TOPAZ1: variants seen among roughly 807,000 people sequenced by gnomAD.
TOPAZ1 encodes protein TOPAZ1.
A neutral mutation model predicts 172.2 loss-of-function variants in TOPAZ1; 66 were observed. The ratio of observed to expected loss-of-function variants is 0.38; its 90% confidence interval spans 0.31 to 0.47. The LOEUF (loss-of-function observed/expected upper bound fraction) is 0.47. Ranked by LOEUF, TOPAZ1 falls within the 20% of genes least tolerant of loss-of-function variation. TOPAZ1 has a pLI of 0.99. For missense variants in TOPAZ1, 1,822 were observed against 1,972.4 expected (o/e 0.92, Z 1.44); for synonymous variants, 681 against 683.9 (o/e 1.00, Z 0.07).
intron 2 of TOPAZ1, among the ~76,000 whole-genome samples, chr3:44,253,056 C>T (rs183481632): frequency 6.6e-6 from 1 of 152,186 alleles, no homozygotes; most frequent in Admixed American, 6.5e-5. Flanking sequence ...TGTCTCATGG[C>T]TTGGTGTTCA....
chr3:44,243,574 T>A lies in TOPAZ1; in HGVS notation c.1068T>A (p.Ser356=), dbSNP rs1339176843. 6.4e-7 allele frequency: 1 copy of A among 1,551,122 alleles called. No homozygotes were observed. Among genetic ancestry groups the A allele is most frequent in the South Asian group, 1.2e-5 (1 of 84,042 alleles). The part of the protein sequence containing the change: ...EMNFSNEYNK[S]ELMLQENQMI... ...ACTTCTCTAATGAGTATAACAAGTCTGAGTTGATGTTGCAAGAAAATCAAA... is the reference window on the plus strand; with the variant it reads ...ACTTCTCTAATGAGTATAACAAGTCAGAGTTGATGTTGCAAGAAAATCAAA... Residue 356 remains serine, a synonymous_variant, in exon 2 of 20, where the codon TCT becomes TCA. Coordinates refer to ENST00000309765, the MANE Select transcript of TOPAZ1 (RefSeq NM_001145030.2).
intron 5 of TOPAZ1, among the ~76,000 whole-genome samples, chr3:44,265,998 A>T (rs1699826109): frequency 6.6e-6 from 1 of 152,192 alleles, no homozygotes; most frequent in South Asian, 2.1e-4. Flanking sequence ...TTCATCAGTT[A>T]TCTTAGCTAG....
intron 16 of TOPAZ1, among the ~76,000 whole-genome samples, chr3:44,311,978 AT>A (rs202099603): frequency 5.3e-5 from 8 of 151,216 alleles, no homozygotes; most frequent in East Asian, 3.9e-4. Context: ...TTTAAAACAC[AT>A]TTTTTTTTCA....
chr3:44,245,083 T>G lies in TOPAZ1; in HGVS notation c.2577T>G (p.Asp859Glu). The change falls in exon 2 of 20, where the codon GAT becomes GAG. Residue 859 changes from aspartate to glutamate, a missense_variant. Physicochemically the swap from Asp to Glu is conservative, Grantham distance 45. Transcript: ENST00000309765. Reference sequence around the variant, plus strand: ...CAGATATTCTTAAAGCATATGAAGATGACGTCCTCTTAATTGATGTAATTC... The same window carrying G: ...CAGATATTCTTAAAGCATATGAAGAGGACGTCCTCTTAATTGATGTAATTC... ...GFPDILKAYE[D>E]DVLLIDVIQD... 1.9e-6 allele frequency: 3 copies of G among 1,551,796 alleles called. No individual in the cohort carries two copies. The highest frequency in any genetic ancestry group is 2.6e-6 in the Non-Finnish European group (3 of 1,146,998).
At chr3:44,327,796 G>C (rs1215800808) in intron 18 of TOPAZ1, among the ~76,000 whole-genome samples, 1 of 151,950 alleles carries the variant, frequency 6.6e-6, no homozygotes, top group African/African-American at 2.4e-5. Context: ...CTAGGCTGGA[G>C]TACAGTGGCA....
At chr3:44,242,750 A>G (rs1195611683) in intron 1 of TOPAZ1, 103 bp from the exon 2 acceptor site, 5 of 929,678 alleles carry the variant, frequency 5.4e-6, no homozygotes, top group Non-Finnish European at 7.8e-6. Context: ...ACAGCTGTTC[A>G]GGGAAATAAA....
intron 16 of TOPAZ1, among the ~76,000 whole-genome samples, chr3:44,315,333 A>G (rs1379730909): frequency 1.3e-5 from 2 of 151,912 alleles, no homozygotes; most frequent in Non-Finnish European, 2.9e-5. Flanking sequence ...TTTAAGAAAA[A>G]TCATTTCAGA....
chr3:44,297,042 A>G (rs1700206968), intron 12 of TOPAZ1, among the ~76,000 whole-genome samples: 2 of 151,632 alleles, frequency 1.3e-5, no homozygotes, highest in African/African-American at 4.8e-5. Context: ...ATGGTGGCAC[A>G]TGCCTGTAAT....
At chr3:44,294,433 A>G (rs1161930602) in intron 12 of TOPAZ1, among the ~76,000 whole-genome samples, 2 of 152,092 alleles carry the variant, frequency 1.3e-5, no homozygotes, top group Non-Finnish European at 2.9e-5. Flanking sequence ...AAAAAGTAGT[A>G]TGTTATTTTA....
At chr3:44,271,534 G>A (rs1328618262) in intron 8 of TOPAZ1, among the ~76,000 whole-genome samples, 2 of 152,046 alleles carry the variant, frequency 1.3e-5, no homozygotes, top group African/African-American at 2.4e-5. Flanking sequence ...TTGGTTGTAT[G>A]TGTGTATGTA....
intron 5 of TOPAZ1, among the ~76,000 whole-genome samples, chr3:44,266,312 G>A (rs546847467): frequency 1.4e-4 from 22 of 152,012 alleles, no homozygotes; most frequent in South Asian, 4.1e-4. Context: ...CTTTTCATTC[G>A]TATGTTCACT....
downstream of TOPAZ1, among the ~76,000 whole-genome samples, chr3:44,335,512 T>C (rs1700713731): frequency 6.6e-6 from 1 of 151,960 alleles, no homozygotes. Context: ...TAATCCCAGA[T>C]ACTTGGGAGG....
At chr3:44,255,595 T>C (rs1334344763) in intron 3 of TOPAZ1, among the ~76,000 whole-genome samples, 3 of 145,636 alleles carry the variant, frequency 2.1e-5, no homozygotes, top group Non-Finnish European at 4.5e-5. Flanking sequence ...GAGCTTGCAG[T>C]GAGCCAAGAT....
rs1241640891 is a variant in TOPAZ1, at chr3:44,296,861, A to AAG, written c.3797+5976_3797+5977insGA. ...ACAGAGAATACCAAAAAAAAAAAAA[A>AAG]AAAGAAAAAAAAAAGAAAAGCAAAT... On this transcript the variant is annotated intron_variant, in intron 12 of 19. Transcript: ENST00000309765. Among the ~76,000 whole-genome samples the AAG allele has an allele frequency of 5.3e-3, 219 of 41,426 alleles. No homozygotes were observed. The East Asian group carries it at 0.14, about 27-fold the overall frequency. 27.2% of individuals were successfully genotyped at this position (41,426 alleles called of 152,430 possible).
In TOPAZ1 at chr3:44,332,032, T is replaced by C; in HGVS notation, c.*21T>C. ...ATTAGCTAATAAAGTCTGCTTTTTT[T>C]TTTTTTTTAGTTCAAGTAATCATTG... On this transcript the variant is annotated 3_prime_UTR_variant, in exon 20 of 20. Transcript: ENST00000309765. The C allele has an allele frequency of 6.7e-7, 1 of 1,482,330 alleles. No homozygotes were observed. The highest frequency in any genetic ancestry group is 9.0e-7 in the Non-Finnish European group (1 of 1,108,640). The allele number at this position is 1,482,330 out of a possible 1,614,324, so 91.8% of individuals were successfully genotyped here.
chr3:44,308,086 C>T (rs1481287981), intron 15 of TOPAZ1, among the ~76,000 whole-genome samples: 1 of 152,100 alleles, frequency 6.6e-6, no homozygotes, highest in African/African-American at 2.4e-5. Flanking sequence ...CCAGCCTAGC[C>T]AACATGGTGA....
At chr3:44,315,756 A>G (rs1700444953) in intron 16 of TOPAZ1, among the ~76,000 whole-genome samples, 1 of 152,010 alleles carries the variant, frequency 6.6e-6, no homozygotes. Context: ...TGAATACCAC[A>G]GTTCCATTTA....
intron 1 of TOPAZ1, 61 bp from the exon 2 acceptor site, chr3:44,242,792 A>G (rs1699501267): frequency 7.8e-7 from 1 of 1,282,890 alleles, no homozygotes; most frequent in Non-Finnish European, 1.0e-6. Context: ...AATTTCAATG[A>G]TAATTGCATT....
chr3:44,298,485 T>G (rs1700224647), intron 12 of TOPAZ1, among the ~76,000 whole-genome samples: 1 of 151,848 alleles, frequency 6.6e-6, no homozygotes, highest in African/African-American at 2.4e-5. Flanking sequence ...TAGGGTAAAG[T>G]AAAAGGATTC....
Sources: allele counts gnomAD v4.1 joint callset (sites outside exome capture counted in the v4.1 genomes callset), GRCh38; gene constraint gnomAD v4.1.1; transcripts MANE v1.5; gene names NCBI Gene and HGNC (gene_info 2026-07-23, HGNC 2026-07-21).